The following VPS13C variants were observed in gnomAD, a reference collection of about 807,000 sequenced individuals.
VPS13C encodes vacuolar protein sorting 13 homolog C.
Under a neutral mutation model 456.8 loss-of-function variants are expected in VPS13C, and 358 were observed. The observed-to-expected ratio is 0.78, with a 90% CI of 0.72 to 0.86. The LOEUF (loss-of-function observed/expected upper bound fraction) is 0.86. Among genes scored for constraint, VPS13C ranks in the 40% least tolerant of loss-of-function variants. The probability of loss-of-function intolerance (pLI) is 0.00; values close to 1 mark genes in which losing one functional copy is unlikely to be tolerated. For missense variants in VPS13C, 4,818 were observed against 4,385.4 expected, an observed-to-expected ratio of 1.10 and a Z score of -2.79; for synonymous variants, 1,578 against 1,486.7, an observed-to-expected ratio of 1.06 and a Z score of -1.41.
intron 60 of VPS13C, among the ~76,000 whole-genome samples, chr15:61,916,592 C>T (rs2043479159): frequency 6.6e-6 from 1 of 152,000 alleles, no homozygotes; most frequent in African/African-American, 2.4e-5. Flanking sequence ...CATATAAATA[C>T]TATTTAATTC....
chr15:61,919,017 G>A (rs908282462), intron 58 of VPS13C, among the ~76,000 whole-genome samples: 2 of 151,920 alleles, frequency 1.3e-5, no homozygotes, highest in Non-Finnish European at 2.9e-5. Context: ...TACCAAAAGA[G>A]CTTTATTAAT....
At chr15:61,866,366 C>T in intron 81 of VPS13C, 1 of 983,548 alleles carries the variant, frequency 1.0e-6, no homozygotes, top group Non-Finnish European at 1.2e-6. Flanking sequence ...AAGTTTTGTG[C>T]TTTTTGACAG....
At position 61,867,758 on chromosome 15, in the gene VPS13C, A is replaced by C; in HGVS notation, c.10863+901T>G. 1.4e-6 allele frequency: 2 copies of C among 1,477,392 alleles called. No homozygotes were observed. Among genetic ancestry groups the C allele is most frequent in the South Asian group, 2.8e-5 (2 of 72,590 alleles). 91.5% of individuals were successfully genotyped at this position (1,477,392 alleles called of 1,614,324 possible). A position where few individuals can be genotyped will look rare whatever the true frequency, so the allele number is the denominator to read the frequency against. On this transcript the variant is annotated intron_variant, in intron 81 of 84. Transcript: ENST00000644861. The surrounding 1 kb of genome is among the most constrained non-coding windows in gnomAD (Gnocchi z 5.0). ...TGGACAGTATTACCAGGAATACCAC[A>C]AGTTTTTATTTGTAGTCAATCCCAC...
intron 11 of VPS13C, among the ~76,000 whole-genome samples, 190 bp from the exon 12 acceptor site, chr15:62,012,354 G>A (rs2047074852): frequency 6.6e-6 from 1 of 151,478 alleles, no homozygotes. Flanking sequence ...AGATACAGAA[G>A]CAGATAATTT....
chr15:62,009,627 C>T (rs1476695808), intron 13 of VPS13C, among the ~76,000 whole-genome samples: 1 of 151,986 alleles, frequency 6.6e-6, no homozygotes, highest in African/African-American at 2.4e-5. Flanking sequence ...ACATTGTTAA[C>T]ACAGCTACTA....
At chr15:62,057,338 T>C (rs2048836929) in intron 1 of VPS13C, among the ~76,000 whole-genome samples, 2 of 152,232 alleles carry the variant, frequency 1.3e-5, no homozygotes, top group South Asian at 2.1e-4. Flanking sequence ...ATGTCACCTA[T>C]TTTATTAAAT....
At chr15:61,994,246 ATTAG>A (rs1168309075) in intron 16 of VPS13C, among the ~76,000 whole-genome samples, 1 of 152,138 alleles carries the variant, frequency 6.6e-6, no homozygotes, top group Non-Finnish European at 1.5e-5. Flanking sequence ...GCATCCCAAT[ATTAG>A]TTCTCTTTCT....
chr15:61,963,869 G>A lies in VPS13C; in HGVS notation c.3297C>T (p.Asn1099=), dbSNP rs747970538. The A allele has an allele frequency of 1.2e-5, 19 of 1,611,020 alleles. No homozygotes were observed. The highest frequency in any genetic ancestry group is 6.7e-5 in the East Asian group (3 of 44,712). ...KLNAFCVIVC[N]EKNNIAEIKI... ...TGATTTCGGCGATATTGTTCTTTTCGTTGCAAACAATGACACAGAAAGCAT... is the reference window on the plus strand; with the variant it reads ...TGATTTCGGCGATATTGTTCTTTTCATTGCAAACAATGACACAGAAAGCAT... Residue 1099 remains asparagine (N), a synonymous_variant, in exon 32 of 85, where the codon AAC becomes AAT. Transcript: ENST00000644861.
Position 61,918,264 on chromosome 15 carries a change from G to T in VPS13C, c.7639-7C>A. Reference sequence around the variant, plus strand: ...TGGAGAAATGGTTTTTGATCTGTTGGACAAAAAAAAATACAAGTTTTTTAA... The same window carrying T: ...TGGAGAAATGGTTTTTGATCTGTTGTACAAAAAAAAATACAAGTTTTTTAA... On this transcript the variant is annotated splice_polypyrimidine_tract_variant and splice_region_variant and intron_variant, in intron 58 of 84. Coordinates refer to ENST00000644861, the MANE Select transcript of VPS13C (RefSeq NM_020821.3). The T allele has an allele frequency of 6.6e-7, 1 of 1,511,486 alleles. No individual in the cohort carries two copies. Among genetic ancestry groups the T allele is most frequent in the South Asian group, 1.3e-5 (1 of 75,328 alleles). 93.6% of individuals were successfully genotyped at this position (1,511,486 alleles called of 1,614,324 possible). A position where few individuals can be genotyped will look rare whatever the true frequency, so the allele number is the denominator to read the frequency against.
At chr15:61,957,901 C>T (rs2045061278) in intron 37 of VPS13C, among the ~76,000 whole-genome samples, 1 of 151,840 alleles carries the variant, frequency 6.6e-6, no homozygotes, top group South Asian at 2.1e-4. Context: ...TACATATCTA[C>T]AGATATGGAA....
rs1360559880 is a variant in VPS13C, at chr15:61,858,330, C to G, written c.10953-1921G>C. On this transcript the variant is annotated intron_variant, in intron 82 of 84. Transcript: ENST00000644861. This position sits in a 1 kb window ranked among gnomAD's most constrained non-coding sequence, Gnocchi z 4.4. ...ATCCAAACTCCAACTATCTATCTAT[C>G]TATCTATCTATCTATCTATCTATCT... Among the ~76,000 whole-genome samples, 2 of 147,450 alleles carry G rather than the reference C, an allele frequency of 1.4e-5. No individual in the cohort carries two copies. Among genetic ancestry groups the G allele is most frequent in the African/African-American group, 5.2e-5 (2 of 38,784 alleles).
rs138889082 is a variant in VPS13C at position 62,051,891 on chromosome 15, G to A, written c.101-7636C>T. 7.4e-3 allele frequency among the ~76,000 whole-genome samples: 1,125 copies of A among 152,268 alleles called. 10 individuals are homozygous for A. Among genetic ancestry groups the A allele is most frequent in the African/African-American group, 0.026 (1,067 of 41,550 alleles). The stretch of plus-strand genomic sequence containing the variant: ...AATCTATTTTTTTCCTCAAAAGACA[G>A]AAATTCACAAGTTATGATTTAGAAC... On this transcript the variant is annotated intron_variant, in intron 1 of 84. Transcript: ENST00000644861.
chr15:61,967,583 C>A (rs2045418290), intron 28 of VPS13C, 136 bp from the exon 29 acceptor site: 1 of 647,062 alleles, frequency 1.5e-6, no homozygotes, highest in Non-Finnish European at 2.6e-6. Flanking sequence ...CTATTAAATA[C>A]AAAGGCCATC....
intron 14 of VPS13C, among the ~76,000 whole-genome samples, chr15:62,007,959 G>A (rs781330711): frequency 6.6e-6 from 1 of 152,026 alleles, no homozygotes; most frequent in African/African-American, 2.4e-5. Flanking sequence ...ACAAAAATTA[G>A]GCCAGGCACG....
chr15:62,060,134 C>T, intron 1 of VPS13C, 141 bp downstream of exon 1: 1 of 424,532 alleles, frequency 2.4e-6, no homozygotes, highest in Non-Finnish European at 4.3e-6. Flanking sequence ...GCGGCAGAGG[C>T]TCCCGCATCT....
chr15:61,904,953 G>T (rs1041626169), intron 66 of VPS13C, among the ~76,000 whole-genome samples: 1 of 151,960 alleles, frequency 6.6e-6, no homozygotes, highest in African/African-American at 2.4e-5. Context: ...ACTTTATAGA[G>T]AGTTGATGTT....
chr15:61,872,337 GA>G (rs1328827585), intron 78 of VPS13C, among the ~76,000 whole-genome samples: 1 of 152,096 alleles, frequency 6.6e-6, no homozygotes, highest in African/African-American at 2.4e-5. Flanking sequence ...ATGGGTAGCT[GA>G]AATCTCTTTA....
chr15:61,953,600 G>A (rs1396739623), intron 38 of VPS13C, among the ~76,000 whole-genome samples: 3 of 151,956 alleles, frequency 2.0e-5, no homozygotes, highest in East Asian at 3.9e-4. Context: ...AGTATTCCAT[G>A]GTGTATATGT....
chr15:61,941,016 T>G (rs1391981969), intron 46 of VPS13C, among the ~76,000 whole-genome samples: 2 of 152,192 alleles, frequency 1.3e-5, no homozygotes, highest in Non-Finnish European at 2.9e-5. Flanking sequence ...ATAACACTGA[T>G]TTCAAAAACA....
Sources: allele counts gnomAD v4.1 joint callset (sites outside exome capture counted in the v4.1 genomes callset), GRCh38; gene constraint gnomAD v4.1.1; non-coding constraint Gnocchi (gnomAD v3.1); transcripts MANE v1.5; gene names NCBI Gene and HGNC (gene_info 2026-07-23, HGNC 2026-07-21).